WWC2: variants seen among roughly 807,000 people sequenced by gnomAD.
WWC2 encodes protein WWC2.
WWC2 carries 101 observed loss-of-function variants against 138.5 expected under a neutral mutation model. That is an observed-to-expected ratio of 0.73 (90% CI 0.62 to 0.86). WWC2 has a LOEUF of 0.86. Among genes scored for constraint, WWC2 ranks in the 40% least tolerant of loss-of-function variants. The pLI, the probability that WWC2 is intolerant of heterozygous loss-of-function variation, is 0.00. For missense variants in WWC2, 1,420 were observed against 1,419.4 expected (o/e 1.00, Z -0.01); for synonymous variants, 558 against 538.4 (o/e 1.04, Z -0.50).
intron 5 of WWC2, 100 bp from the exon 6 acceptor site, chr4:183,245,316 A>T: frequency 9.1e-7 from 1 of 1,097,366 alleles, no homozygotes; most frequent in Non-Finnish European, 1.2e-6. Context: ...GCAGTGAAAT[A>T]ATCATCCAAC....
intron 1 of WWC2, among the ~76,000 whole-genome samples, chr4:183,134,654 G>A (rs1733054173): frequency 6.6e-6 from 1 of 151,954 alleles, no homozygotes; most frequent in Non-Finnish European, 1.5e-5. Flanking sequence ...ATTCTAGTTT[G>A]TGAATTTTTT....
intron 1 of WWC2, 90 bp downstream of exon 1, chr4:183,099,712 G>C (rs1743101045): frequency 1.3e-5 from 15 of 1,133,954 alleles, no homozygotes; most frequent in Non-Finnish European, 1.6e-5. Flanking sequence ...GGGCGGCGCC[G>C]GCCCGCGGTG....
chr4:183,186,161 G>A (rs1734794412), intron 1 of WWC2, among the ~76,000 whole-genome samples: 1 of 151,994 alleles, frequency 6.6e-6, no homozygotes, highest in African/African-American at 2.4e-5. Context: ...TCACAGGATG[G>A]TCTCGATCTC....
chr4:183,208,143 T>G lies in WWC2; in HGVS notation c.432T>G (p.Ser144Arg). Residue 144 changes from serine to arginine, a missense_variant, in exon 3 of 23, where the codon AGT (serine) becomes AGG (arginine). Transcript: ENST00000403733. Reference protein sequence around the residue: ...RLNDAYKEKSSSHTSLFSGSS... With the variant: ...RLNDAYKEKSRSHTSLFSGSS... ...ATGATGCCTATAAGGAAAAGTCAAGTTCTCACACAAGCTGTAAGTACAGTG... is the reference window on the plus strand; with the variant it reads ...ATGATGCCTATAAGGAAAAGTCAAGGTCTCACACAAGCTGTAAGTACAGTG... 1 of 1,613,650 alleles carries G rather than the reference T, an allele frequency of 6.2e-7. No individual in the cohort carries two copies. Among genetic ancestry groups the G allele is most frequent in the Non-Finnish European group, 8.5e-7 (1 of 1,179,674 alleles).
intron 1 of WWC2, among the ~76,000 whole-genome samples, chr4:183,188,778 G>C (rs1734896979): frequency 6.6e-6 from 1 of 151,636 alleles, no homozygotes; most frequent in Non-Finnish European, 1.5e-5. Context: ...CTGAGTAGCT[G>C]GGATTATAGG....
chr4:183,299,940 A>G (rs1738772743), intron 21 of WWC2, among the ~76,000 whole-genome samples: 1 of 152,220 alleles, frequency 6.6e-6, no homozygotes, highest in Non-Finnish European at 1.5e-5. Context: ...GTCAGGTCTC[A>G]GGGTCACACT....
chr4:183,127,334 C>T (rs934734637), intron 1 of WWC2, among the ~76,000 whole-genome samples: 1 of 152,100 alleles, frequency 6.6e-6, no homozygotes, highest in Non-Finnish European at 1.5e-5. Context: ...GTTCATGCCA[C>T]AACACAGATG....
At chr4:183,153,715 G>A (rs1338806933) in intron 1 of WWC2, among the ~76,000 whole-genome samples, 24 of 144,988 alleles carry the variant, frequency 1.7e-4, no homozygotes, top group African/African-American at 6.3e-4. Flanking sequence ...GCGCAATCAC[G>A]GCTCACTGCA....
At chr4:183,117,140 A>G (rs1247292778) in intron 1 of WWC2, among the ~76,000 whole-genome samples, 1 of 151,826 alleles carries the variant, frequency 6.6e-6, no homozygotes, top group Non-Finnish European at 1.5e-5. Context: ...TTTTCGAGAC[A>G]AGTTGAACTG....
intron 1 of WWC2, among the ~76,000 whole-genome samples, chr4:183,110,928 C>CA (rs1330315507): frequency 6.6e-6 from 1 of 151,936 alleles, no homozygotes; most frequent in Admixed American, 6.6e-5. Context: ...ATTGGTGCTA[C>CA]AAACCCCTGA....
intron 1 of WWC2, among the ~76,000 whole-genome samples, chr4:183,179,587 A>G (rs927830504): frequency 6.6e-6 from 1 of 152,032 alleles, no homozygotes; most frequent in Non-Finnish European, 1.5e-5. Context: ...GCCATCAAGG[A>G]TGACCGCCTC....
intron 14 of WWC2, among the ~76,000 whole-genome samples, chr4:183,267,758 C>T (rs1320879628): frequency 1.3e-5 from 2 of 152,204 alleles, no homozygotes; most frequent in African/African-American, 4.8e-5. Flanking sequence ...TTCGGCTCCC[C>T]AGCTAATGTG....
intron 4 of WWC2, among the ~76,000 whole-genome samples, chr4:183,212,963 G>A (rs765302287): frequency 2.0e-5 from 3 of 152,064 alleles, no homozygotes; most frequent in Admixed American, 6.6e-5. Flanking sequence ...GGAGAGAGAC[G>A]CCCTCTTCAA....
At chr4:183,238,324 C>T (rs1736493684) in intron 4 of WWC2, among the ~76,000 whole-genome samples, 1 of 152,150 alleles carries the variant, frequency 6.6e-6, no homozygotes. Context: ...GAAGTATCTT[C>T]CTCCTCTGGC....
Position 183,318,171 on chromosome 4 carries a change from T to C in WWC2, c.*2442T>C, listed in dbSNP as rs1259116570. ...ATATTTAGTTCTCAAGTTTGAATTATCAGTATATTATTACAATTTTGTATA... is the reference window on the plus strand; with the variant it reads ...ATATTTAGTTCTCAAGTTTGAATTACCAGTATATTATTACAATTTTGTATA... On this transcript the variant is annotated 3_prime_UTR_variant, in exon 23 of 23. Coordinates refer to ENST00000403733, the MANE Select transcript of WWC2 (RefSeq NM_024949.6). The C allele has an allele frequency of 6.6e-6, 1 of 152,616 alleles. No individual in the cohort carries two copies. The highest frequency in any genetic ancestry group is 2.1e-4 in the South Asian group (1 of 4,836). 9.5% of individuals were successfully genotyped at this position (152,616 alleles called of 1,614,324 possible).
In WWC2 at chr4:183,318,191, T is replaced by C. The variant is rs1260877114; in HGVS notation, c.*2462T>C. ...AATTATCAGTATATTATTACAATTTTGTATATCAGAATCTTAAGTGTTACA... is the reference window on the plus strand; with the variant it reads ...AATTATCAGTATATTATTACAATTTCGTATATCAGAATCTTAAGTGTTACA... On this transcript the variant is annotated 3_prime_UTR_variant, in exon 23 of 23. Transcript: ENST00000403733. 2.0e-5 allele frequency: 3 copies of C among 152,636 alleles called. No individual in the cohort carries two copies. Among genetic ancestry groups the C allele is most frequent in the African/African-American group, 7.2e-5 (3 of 41,450 alleles). 9.5% of individuals were successfully genotyped at this position (152,636 alleles called of 1,614,324 possible).
At position 183,280,868 on chromosome 4, in the gene WWC2, A is replaced by C; in HGVS notation, c.2655A>C (p.Gln885His). The change falls in exon 17 of 23, where the codon CAA (glutamine) becomes CAC (histidine). Residue 885 changes from glutamine (Q) to histidine (H), a missense_variant. Coordinates refer to ENST00000403733, the MANE Select transcript of WWC2 (RefSeq NM_024949.6). Reference protein sequence around the residue: ...LAQEEEEESGQEEPRGPDGDW... With the variant: ...LAQEEEEESGHEEPRGPDGDW... ...AAGAAGAAGAAGAAGAATCAGGACA[A>C]GAAGAGCCAAGGGGCCCAGATGGAG... 6.3e-7 allele frequency: 1 copy of C among 1,580,320 alleles called. No homozygotes were observed. The highest frequency in any genetic ancestry group is 8.6e-7 in the Non-Finnish European group (1 of 1,162,400).
rs979707714 is a variant in WWC2 at position 183,231,449 on chromosome 4, T to C, written c.523-8734T>C. Among the ~76,000 whole-genome samples, 3 of 151,552 alleles carry C rather than the reference T, an allele frequency of 2.0e-5. No individual in the cohort carries two copies. The South Asian group carries it at 6.3e-4, about 32-fold the overall frequency. ...CACACTCAGCTAATTTTTGTATTTTTAGTAGAGACAGTGTTTCACCATGTT... is the reference window on the plus strand; with the variant it reads ...CACACTCAGCTAATTTTTGTATTTTCAGTAGAGACAGTGTTTCACCATGTT... On this transcript the variant is annotated intron_variant, in intron 4 of 22. Coordinates refer to ENST00000403733, the MANE Select transcript of WWC2 (RefSeq NM_024949.6).
At chr4:183,197,686 A>G (rs867238404) in intron 2 of WWC2, among the ~76,000 whole-genome samples, 3 of 152,200 alleles carry the variant, frequency 2.0e-5, no homozygotes, top group African/African-American at 4.8e-5. Context: ...GATATTATTA[A>G]TACAACCAGA....
Sources: allele counts gnomAD v4.1 joint callset (sites outside exome capture counted in the v4.1 genomes callset), GRCh38; gene constraint gnomAD v4.1.1; transcripts MANE v1.5; gene names NCBI Gene and HGNC (gene_info 2026-07-23, HGNC 2026-07-21).